The following C7orf78 variants were observed in gnomAD, a reference collection of about 807,000 sequenced individuals.
C7orf78 encodes the protein putative uncharacterized protein C7orf78.
the C7orf78 span, among the ~76,000 whole-genome samples, chr7:12,493,657 T>C: frequency 3.9e-5 from 6 of 152,224 alleles, no homozygotes; most frequent in African/African-American, 7.2e-5. Flanking sequence ...TGGGTTTGCC[T>C]CCTGACCCAG....
the C7orf78 span, among the ~76,000 whole-genome samples, chr7:12,522,064 C>T: frequency 6.6e-6 from 1 of 151,942 alleles, no homozygotes; most frequent in South Asian, 2.1e-4. Context: ...TCCTTTCATT[C>T]ATAGTAGTTT....
chr7:12,513,012 G>GT, the C7orf78 span, among the ~76,000 whole-genome samples: 1 of 151,328 alleles, frequency 6.6e-6, no homozygotes, highest in East Asian at 2.0e-4. Flanking sequence ...GGCATCAGTT[G>GT]TAAGTCTCCT....
chr7:12,504,434 T>A, the C7orf78 span: 7 of 152,206 alleles, frequency 4.6e-5, no homozygotes, highest in Non-Finnish European at 4.4e-5. Context: ...ATACTTTAGC[T>A]TCTTTTGTAA....
chr7:12,504,257 T>A, the C7orf78 span: 4 of 152,320 alleles, frequency 2.6e-5, no homozygotes, highest in Admixed American at 2.6e-4. Context: ...CTTGTTGTTG[T>A]GCTGATTTTC....
the C7orf78 span, among the ~76,000 whole-genome samples, chr7:12,507,864 T>C: frequency 1.3e-5 from 2 of 152,308 alleles, no homozygotes; most frequent in African/African-American, 4.8e-5. Context: ...CCAAATACCA[T>C]GGGTTTTGTG....
chr7:12,533,745 T>C, the C7orf78 span, among the ~76,000 whole-genome samples: 1 of 152,070 alleles, frequency 6.6e-6, no homozygotes, highest in Non-Finnish European at 1.5e-5. Flanking sequence ...CTCGATCTCC[T>C]GACCTCGTGA....
chr7:12,506,914 G>T, the C7orf78 span: 1 of 483,608 alleles, frequency 2.1e-6, no homozygotes, highest in Non-Finnish European at 4.2e-6. Flanking sequence ...GGTTGGTGAA[G>T]GAGATTCCAC....
the C7orf78 span, among the ~76,000 whole-genome samples, chr7:12,521,580 C>T: frequency 6.6e-6 from 1 of 150,814 alleles, no homozygotes; most frequent in Non-Finnish European, 1.5e-5. Flanking sequence ...TTCTCATCTT[C>T]ATGCTACATC....
At chr7:12,522,736 C>T in the C7orf78 span, among the ~76,000 whole-genome samples, 2 of 152,130 alleles carry the variant, frequency 1.3e-5, no homozygotes, top group African/African-American at 4.8e-5. Flanking sequence ...ATGGATTTTA[C>T]ATCAATCATT....
chr7:12,498,272 G>C, the C7orf78 span, among the ~76,000 whole-genome samples: 7 of 151,946 alleles, frequency 4.6e-5, no homozygotes, highest in African/African-American at 1.2e-4. Flanking sequence ...GGCTTCGGAC[G>C]ATCAAATTAC....
At chr7:12,526,181 C>T in the C7orf78 span, among the ~76,000 whole-genome samples, 8 of 152,096 alleles carry the variant, frequency 5.3e-5, no homozygotes, top group African/African-American at 1.9e-4. Flanking sequence ...TGGAGCCCAG[C>T]TGTGCAACTT....
At chr7:12,536,862 C>T in the C7orf78 span, among the ~76,000 whole-genome samples, 1 of 152,288 alleles carries the variant, frequency 6.6e-6, no homozygotes. Flanking sequence ...CACCTTTACT[C>T]CAGTTTTCAA....
chr7:12,525,478 G>C, the C7orf78 span, among the ~76,000 whole-genome samples: 1 of 152,058 alleles, frequency 6.6e-6, no homozygotes, highest in South Asian at 2.1e-4. Context: ...AGGTTGCTAA[G>C]TTTAAGATTG....
the C7orf78 span, among the ~76,000 whole-genome samples, chr7:12,505,760 AG>A: frequency 6.6e-6 from 1 of 152,144 alleles, no homozygotes; most frequent in Non-Finnish European, 1.5e-5. Flanking sequence ...TCCATGTAAA[AG>A]GAAAACTATG....
the C7orf78 span, among the ~76,000 whole-genome samples, chr7:12,531,383 T>C: frequency 1.3e-5 from 2 of 152,068 alleles, no homozygotes; most frequent in Admixed American, 6.6e-5. Flanking sequence ...CTCTGAGAAG[T>C]GGGGAGGAGG....
the C7orf78 span, among the ~76,000 whole-genome samples, chr7:12,511,230 A>G: frequency 6.6e-6 from 1 of 151,728 alleles, no homozygotes; most frequent in Non-Finnish European, 1.5e-5. Context: ...TCTATTCTGT[A>G]CCTGTGGTAT....
chr7:12,529,043 C>T, the C7orf78 span: 1 of 398,366 alleles, frequency 2.5e-6, no homozygotes, highest in Non-Finnish European at 4.4e-6. Flanking sequence ...GCTTCATATA[C>T]AGTGAGTTTG....
chr7:12,512,145 T>C, the C7orf78 span, among the ~76,000 whole-genome samples: 1 of 151,974 alleles, frequency 6.6e-6, no homozygotes, highest in Non-Finnish European at 1.5e-5. Flanking sequence ...AAATATAAAA[T>C]AGAATTTGAC....
At chr7:12,489,997 C>G in the C7orf78 span, among the ~76,000 whole-genome samples, 1 of 152,054 alleles carries the variant, frequency 6.6e-6, no homozygotes, top group South Asian at 2.1e-4. Flanking sequence ...TTGAAATTTT[C>G]CATACTATCA....
Sources: allele counts gnomAD v4.1 joint callset (sites outside exome capture counted in the v4.1 genomes callset), GRCh38; gene constraint gnomAD v4.1.1; transcripts MANE v1.5; gene names NCBI Gene and HGNC (gene_info 2026-07-23, HGNC 2026-07-21).